Variants in CPQ observed in about 807,000 individuals in gnomAD.
CPQ encodes carboxypeptidase Q, also known as Ser-Met dipeptidase.
Under a neutral mutation model 45.7 loss-of-function variants are expected in CPQ, and 37 were observed. That is an observed-to-expected ratio of 0.81 (90% confidence interval 0.62 to 1.07). CPQ has a LOEUF of 1.07. Ranked by LOEUF, CPQ falls within the 50% of genes least tolerant of loss-of-function variation. The pLI is 0.00. For missense variants in CPQ, 537 were observed against 572.9 expected (o/e 0.94, Z 0.64); for synonymous variants, 186 against 205.8 (o/e 0.90, Z 0.82).
chr8:96,692,681 C>T (rs1355015997), intron 1 of CPQ, among the ~76,000 whole-genome samples: 1 of 152,174 alleles, frequency 6.6e-6, no homozygotes, highest in Non-Finnish European at 1.5e-5. Context: ...TAGACCACAA[C>T]ACCCAAGTCC....
At chr8:96,921,059 A>G (rs1383421354) in intron 4 of CPQ, among the ~76,000 whole-genome samples, 3 of 152,158 alleles carry the variant, frequency 2.0e-5, no homozygotes, top group African/African-American at 4.8e-5. Flanking sequence ...ACCCAATCCT[A>G]TAAAGTAAGT....
intron 1 of CPQ, among the ~76,000 whole-genome samples, chr8:96,779,252 TTC>T (rs200062151): frequency 0.011 from 1,662 of 152,216 alleles, 41 homozygotes; most frequent in African/African-American, 0.036. Context: ...TAAGACTGTC[TTC>T]AGATGTTATG....
At chr8:96,710,861 A>AT (rs1386499169) in intron 1 of CPQ, among the ~76,000 whole-genome samples, 6 of 151,928 alleles carry the variant, frequency 3.9e-5, no homozygotes, top group Non-Finnish European at 5.9e-5. Flanking sequence ...TATTAGGTCA[A>AT]TTTTTTTTAT....
In CPQ at chr8:97,136,636, T is replaced by C. The variant is rs1218026015; in HGVS notation, c.1256-6384T>C. Among the ~76,000 whole-genome samples the C allele has an allele frequency of 4.6e-5, 7 of 152,274 alleles. No homozygotes were observed. In the East Asian group the frequency reaches 1.2e-3, roughly 25 times the overall value. On this transcript the variant is annotated intron_variant, in intron 7 of 7. Coordinates refer to ENST00000220763, the MANE Select transcript of CPQ (RefSeq NM_016134.4). ...GTATCTCCCTCCTAGGTGCAATGGCTCCTTGGCTGACATGCTGAAGGATAT... is the reference window on the plus strand; with the variant it reads ...GTATCTCCCTCCTAGGTGCAATGGCCCCTTGGCTGACATGCTGAAGGATAT...
At chr8:97,009,713 A>G (rs1350677034) in intron 5 of CPQ, among the ~76,000 whole-genome samples, 1 of 152,158 alleles carries the variant, frequency 6.6e-6, no homozygotes, top group African/African-American at 2.4e-5. Flanking sequence ...TTAATTCTCA[A>G]TTAATTTGTA....
chr8:96,741,317 G>C (rs534593054), intron 1 of CPQ, among the ~76,000 whole-genome samples: 12 of 152,130 alleles, frequency 7.9e-5, no homozygotes, highest in Non-Finnish European at 1.8e-4. Flanking sequence ...GATGGGTGGT[G>C]ATATCCCCTT....
intron 7 of CPQ, among the ~76,000 whole-genome samples, chr8:97,070,163 T>G (rs756740069): frequency 6.6e-6 from 1 of 152,204 alleles, no homozygotes; most frequent in East Asian, 1.9e-4. Context: ...TCCTTCCATA[T>G]TCCTATTCTT....
At chr8:97,017,184 C>A (rs1292342396) in intron 5 of CPQ, among the ~76,000 whole-genome samples, 1 of 152,150 alleles carries the variant, frequency 6.6e-6, no homozygotes, top group Non-Finnish European at 1.5e-5. Flanking sequence ...AGATTCCGAC[C>A]TTACATGCAG....
chr8:96,966,598 C>T (rs1420891584), intron 5 of CPQ, among the ~76,000 whole-genome samples: 1 of 152,178 alleles, frequency 6.6e-6, no homozygotes, highest in Non-Finnish European at 1.5e-5. Flanking sequence ...GCCAGTAGCA[C>T]CCTCCCCTAA....
intron 2 of CPQ, among the ~76,000 whole-genome samples, chr8:96,813,397 C>A (rs1431388737): frequency 6.6e-6 from 1 of 152,066 alleles, no homozygotes; most frequent in African/African-American, 2.4e-5. Flanking sequence ...AGGTACCTTT[C>A]CAAGAAGAGA....
At chr8:96,715,819 G>C (rs1809666490) in intron 1 of CPQ, among the ~76,000 whole-genome samples, 1 of 152,200 alleles carries the variant, frequency 6.6e-6, no homozygotes, top group Non-Finnish European at 1.5e-5. Context: ...CTGAGGGCCA[G>C]ATTACTGTGA....
At chr8:97,061,309 G>GC (rs1304686331) in intron 6 of CPQ, among the ~76,000 whole-genome samples, 15 of 152,004 alleles carry the variant, frequency 9.9e-5, no homozygotes, top group South Asian at 2.1e-4. Context: ...TACTTTTTTA[G>GC]CAGGAACAAC....
chr8:97,058,203 T>C (rs1563568536), intron 6 of CPQ, among the ~76,000 whole-genome samples: 1 of 152,068 alleles, frequency 6.6e-6, no homozygotes, highest in Non-Finnish European at 1.5e-5. Flanking sequence ...ACCCTAGGAT[T>C]GAGTAAATAT....
intron 4 of CPQ, among the ~76,000 whole-genome samples, chr8:96,883,140 G>T (rs1035170622): frequency 2.6e-5 from 4 of 152,076 alleles, no homozygotes; most frequent in African/African-American, 9.7e-5. Flanking sequence ...ATATTTCATT[G>T]TACAGATATA....
At chr8:97,039,997 C>T (rs1171974365) in intron 6 of CPQ, among the ~76,000 whole-genome samples, 1 of 151,898 alleles carries the variant, frequency 6.6e-6, no homozygotes, top group Non-Finnish European at 1.5e-5. Context: ...GGTATATACC[C>T]AGTAATGGGA....
intron 3 of CPQ, among the ~76,000 whole-genome samples, chr8:96,847,573 T>C (rs1391176257): frequency 6.6e-6 from 1 of 152,196 alleles, no homozygotes; most frequent in Non-Finnish European, 1.5e-5. Flanking sequence ...TTTTTATTCA[T>C]CCAAAGTTAC....
intron 7 of CPQ, among the ~76,000 whole-genome samples, chr8:97,135,469 T>C (rs1812038051): frequency 1.3e-5 from 2 of 152,168 alleles, no homozygotes; most frequent in Admixed American, 1.3e-4. Context: ...GCAAATCCCA[T>C]GAATTGATTT....
At chr8:97,014,158 A>G (rs957584791) in intron 5 of CPQ, among the ~76,000 whole-genome samples, 2 of 152,192 alleles carry the variant, frequency 1.3e-5, no homozygotes, top group Non-Finnish European at 2.9e-5. Flanking sequence ...TTAGTTGGCG[A>G]TTGCAACAAT....
At chr8:97,032,039 C>A (rs1809915384) in intron 6 of CPQ, among the ~76,000 whole-genome samples, 4 of 152,130 alleles carry the variant, frequency 2.6e-5, no homozygotes, top group Non-Finnish European at 5.9e-5. Flanking sequence ...TCACAAACCA[C>A]AAGGGTAAAT....
Sources: gnomAD v4.1 joint callset for allele counts (sites outside exome capture counted in the v4.1 genomes callset) on GRCh38, gnomAD v4.1.1 for gene constraint, MANE v1.5 for transcripts, NCBI Gene and HGNC (gene_info 2026-07-23, HGNC 2026-07-21) for gene names.